RAB3GAP1: variants seen among roughly 807,000 people sequenced by gnomAD.
The protein encoded by RAB3GAP1 is RAB3 GTPase activating protein catalytic subunit 1, also known as rab3 GTPase-activating protein catalytic subunit.
In RAB3GAP1, 86 loss-of-function variants were observed where a neutral mutation model predicts 130.7. The ratio of observed to expected loss-of-function variants is 0.66; its 90% CI spans 0.55 to 0.79. The LOEUF is 0.79. Among genes scored for constraint, RAB3GAP1 ranks in the 30% least tolerant of loss-of-function variants. RAB3GAP1 has a pLI of 0.00. For synonymous variants in RAB3GAP1, 367 were observed against 401.7 expected (o/e 0.91, Z 1.03); for missense variants, 1,029 against 1,169.4 (o/e 0.88, Z 1.75).
intron 17 of RAB3GAP1, among the ~76,000 whole-genome samples, chr2:135,141,327 C>A (rs1002418522): frequency 1.3e-5 from 2 of 150,762 alleles, no homozygotes; most frequent in African/African-American, 4.9e-5. Context: ...CGGGTTCAAG[C>A]GATTCTCCTG....
intron 2 of RAB3GAP1, among the ~76,000 whole-genome samples, 160 bp from the exon 3 acceptor site, chr2:135,057,849 TTC>T (rs1268625032): frequency 6.6e-6 from 1 of 152,222 alleles, no homozygotes; most frequent in East Asian, 1.9e-4. Flanking sequence ...AGAAGATTAT[TTC>T]TCTTACCCCA....
chr2:135,096,033 T>C (rs1290357768), intron 5 of RAB3GAP1, among the ~76,000 whole-genome samples: 1 of 152,206 alleles, frequency 6.6e-6, no homozygotes, highest in Non-Finnish European at 1.5e-5. Flanking sequence ...AAGCATCCAC[T>C]AGGGGTCTTG....
At chr2:135,126,526 C>T in intron 10 of RAB3GAP1, 57 bp from the exon 11 acceptor site, 1 of 1,448,320 alleles carries the variant, frequency 6.9e-7, no homozygotes, top group Non-Finnish European at 9.7e-7. Flanking sequence ...TTAATAAGTT[C>T]ATGAATCTTG....
In RAB3GAP1 at chr2:135,052,778, AC is replaced by A. The variant is rs376000195; in HGVS notation, c.74+296del. ...CTTAGACTTTGGTTTTCTGGTTGTT[AC>A]CCACTCGCAAGAAAAATTTCCGAGG... On this transcript the variant is annotated intron_variant, in intron 2 of 23. Coordinates refer to ENST00000264158, the MANE Select transcript of RAB3GAP1 (RefSeq NM_012233.3). 2.2e-4 allele frequency among the ~76,000 whole-genome samples: 33 copies of A among 152,172 alleles called. No homozygotes were observed. The South Asian group carries it at 5.8e-3, about 27-fold the overall frequency.
intron 14 of RAB3GAP1, among the ~76,000 whole-genome samples, chr2:135,133,300 G>A (rs545607971): frequency 3.4e-4 from 51 of 152,212 alleles, no homozygotes; most frequent in African/African-American, 1.2e-3. Context: ...TTTAAAACTA[G>A]TTAGTGAATG....
intron 19 of RAB3GAP1, 88 bp from the exon 20 acceptor site, chr2:135,162,467 G>T (rs1692490804): frequency 1.0e-6 from 1 of 962,086 alleles, no homozygotes. Context: ...GGATTAAGAT[G>T]AGTGGCTGAG....
rs781005885 is a variant in RAB3GAP1 at position 135,081,524 on chromosome 2, C to CT, written c.151-9470dup. Among the ~76,000 whole-genome samples, 7 of 150,616 alleles carry CT rather than the reference C, an allele frequency of 4.6e-5. No homozygotes were observed. The East Asian group carries it at 9.8e-4, about 21-fold the overall frequency. ...AAGTGTTCTTCCACACTTTTGCTGT[C>CT]TTTTGGGATTATTGTTTGTGGTCAC... On this transcript the variant is annotated intron_variant, in intron 3 of 23. Coordinates refer to ENST00000264158, the MANE Select transcript of RAB3GAP1 (RefSeq NM_012233.3).
intron 5 of RAB3GAP1, among the ~76,000 whole-genome samples, chr2:135,106,048 C>T (rs1489206634): frequency 2.0e-5 from 3 of 152,138 alleles, no homozygotes. Context: ...GCCGCCCCAT[C>T]TGGGAAGTGA....
At chr2:135,073,234 G>A (rs1226603098) in intron 3 of RAB3GAP1, among the ~76,000 whole-genome samples, 2 of 152,220 alleles carry the variant, frequency 1.3e-5, no homozygotes, top group African/African-American at 2.4e-5. Context: ...GACAGAGAGA[G>A]GGAGTGCATT....
intron 4 of RAB3GAP1, 117 bp from the exon 5 acceptor site, chr2:135,093,498 C>A: frequency 2.6e-6 from 2 of 763,604 alleles, no homozygotes; most frequent in African/African-American, 1.7e-5. Flanking sequence ...AGATATGAAT[C>A]TTAAAGCAAT....
At chr2:135,156,700 G>C (rs1231894678) in intron 19 of RAB3GAP1, among the ~76,000 whole-genome samples, 3 of 152,214 alleles carry the variant, frequency 2.0e-5, no homozygotes, top group South Asian at 4.2e-4. Flanking sequence ...GAAGCCTTAG[G>C]GGTCACTAAG....
At chr2:135,106,659 G>A (rs897023973) in intron 5 of RAB3GAP1, among the ~76,000 whole-genome samples, 1 of 151,664 alleles carries the variant, frequency 6.6e-6, no homozygotes, top group South Asian at 2.1e-4. Context: ...AGAGACCCTT[G>A]TTCACTTGTT....
intron 17 of RAB3GAP1, among the ~76,000 whole-genome samples, chr2:135,144,196 T>C (rs974486991): frequency 1.3e-5 from 2 of 152,188 alleles, no homozygotes; most frequent in African/African-American, 4.8e-5. Context: ...CGAGTTCTTG[T>C]CCCACATCCA....
intron 3 of RAB3GAP1, among the ~76,000 whole-genome samples, chr2:135,084,369 T>C (rs1374339317): frequency 1.3e-5 from 2 of 152,250 alleles, no homozygotes; most frequent in African/African-American, 2.4e-5. Flanking sequence ...TCCCGTTCTC[T>C]ATATTGTAGC....
chr2:135,096,491 T>A (rs1244960672), intron 5 of RAB3GAP1, among the ~76,000 whole-genome samples: 1 of 152,166 alleles, frequency 6.6e-6, no homozygotes, highest in Non-Finnish European at 1.5e-5. Context: ...AAAAAAGAAA[T>A]GTAATAATTA....
chr2:135,103,727 C>T (rs72978344), intron 5 of RAB3GAP1, among the ~76,000 whole-genome samples: 2 of 151,788 alleles, frequency 1.3e-5, no homozygotes, highest in African/African-American at 2.4e-5. Flanking sequence ...TCTTTGTTGG[C>T]GGGGGAGGGA....
chr2:135,117,042 TA>T (rs571206286), intron 7 of RAB3GAP1, among the ~76,000 whole-genome samples: 142 of 150,338 alleles, frequency 9.4e-4, no homozygotes, highest in Middle Eastern at 3.5e-3. Flanking sequence ...CCTTTGATAT[TA>T]AAAAAAAAAT....
intron 19 of RAB3GAP1, among the ~76,000 whole-genome samples, chr2:135,155,719 T>A (rs377350990): frequency 6.6e-6 from 1 of 151,710 alleles, no homozygotes; most frequent in Non-Finnish European, 1.5e-5. Context: ...ACTTAAGAAA[T>A]TGATGAAAGG....
At chr2:135,098,117 T>C (rs1280320411) in intron 5 of RAB3GAP1, among the ~76,000 whole-genome samples, 1 of 152,238 alleles carries the variant, frequency 6.6e-6, no homozygotes. Flanking sequence ...ACATCTTTCG[T>C]GTGTTTATTT....
Sources: gnomAD v4.1 joint callset for allele counts (sites outside exome capture counted in the v4.1 genomes callset) on GRCh38, gnomAD v4.1.1 for gene constraint, MANE v1.5 for transcripts, NCBI Gene and HGNC (gene_info 2026-07-23, HGNC 2026-07-21) for gene names.